The following FGF7 variants were observed in gnomAD, a reference collection of about 807,000 sequenced individuals.
FGF7 encodes the protein fibroblast growth factor 7.
In FGF7, 6 loss-of-function variants were observed where a neutral mutation model predicts 20.5. That is an observed-to-expected ratio of 0.29 (90% CI 0.16 to 0.58). The LOEUF (loss-of-function observed/expected upper bound fraction) is 0.58, where lower values mean the gene tolerates loss of function less well. Ranked by LOEUF, FGF7 falls within the 20% of genes least tolerant of loss-of-function variation. The pLI, the probability that FGF7 is intolerant of heterozygous loss-of-function variation, is 0.90. For missense variants in FGF7, 144 were observed against 228.8 expected (o/e 0.63, Z 2.39); for synonymous variants, 64 against 74.7 (o/e 0.86, Z 0.74).
chr15:49,482,798 C>A (rs1267021888), intron 2 of FGF7, among the ~76,000 whole-genome samples: 1 of 151,832 alleles, frequency 6.6e-6, no homozygotes, highest in Admixed American at 6.6e-5. Flanking sequence ...AAGAGCAATG[C>A]AATAATCCTT....
intron 2 of FGF7, among the ~76,000 whole-genome samples, chr15:49,457,399 A>T: frequency 6.6e-6 from 1 of 152,052 alleles, no homozygotes; most frequent in Non-Finnish European, 1.5e-5. Flanking sequence ...AAAAGCATTC[A>T]AATTTCAAAG....
At chr15:49,457,538 C>T (rs11639111) in intron 2 of FGF7, among the ~76,000 whole-genome samples, 49,913 of 151,492 alleles carry the variant, frequency 0.33, 8,720 homozygotes, top group Non-Finnish European at 0.4. Flanking sequence ...TAAGTAACTA[C>T]ATTATCAAAT....
At chr15:49,453,106 G>A (rs1452293770) in intron 2 of FGF7, among the ~76,000 whole-genome samples, 1 of 151,888 alleles carries the variant, frequency 6.6e-6, no homozygotes, top group Non-Finnish European at 1.5e-5. Flanking sequence ...CTAAAATATT[G>A]CATTGAGGTC....
At chr15:49,477,251 C>G (rs2055427196) in intron 2 of FGF7, among the ~76,000 whole-genome samples, 1 of 152,152 alleles carries the variant, frequency 6.6e-6, no homozygotes, top group South Asian at 2.1e-4. Flanking sequence ...TGAGTTCTGA[C>G]AAATGTATAT....
chr15:49,433,244 A>C (rs1266763071), intron 2 of FGF7, among the ~76,000 whole-genome samples: 3 of 151,750 alleles, frequency 2.0e-5, no homozygotes, highest in African/African-American at 7.2e-5. Flanking sequence ...TGTGTACAGC[A>C]CATCTGCCTT....
intron 2 of FGF7, among the ~76,000 whole-genome samples, chr15:49,453,796 A>G (rs2151896901): frequency 6.6e-6 from 1 of 152,192 alleles, no homozygotes; most frequent in Non-Finnish European, 1.5e-5. Context: ...AGGAAATTCA[A>G]TTTCAGCACG....
intron 2 of FGF7, among the ~76,000 whole-genome samples, chr15:49,465,131 TTTTTA>T (rs1442324124): frequency 4.6e-5 from 7 of 152,060 alleles, no homozygotes; most frequent in East Asian, 3.9e-4. Context: ...CTTAATTTTA[TTTTTA>T]TTTTATTTTT....
rs2056329947 is a variant in FGF7 at position 49,485,482 on chromosome 15, A to C, written c.*978A>C. 2 of 152,414 alleles carry C rather than the reference A, an allele frequency of 1.3e-5. No individual in the cohort carries two copies. Among genetic ancestry groups the C allele is most frequent in the South Asian group, 4.1e-4 (2 of 4,820 alleles). The allele number at this position is 152,414 out of a possible 1,614,324, so 9.4% of individuals were successfully genotyped here. On this transcript the variant is annotated 3_prime_UTR_variant, in exon 4 of 4. Transcript: ENST00000267843. ...AAGTTTATGTTATTTATAAAAAAAA[A>C]ACCTTAATAAGCTGTATCTGTTTCA...
In FGF7 at chr15:49,461,564, C is replaced by T. The variant is rs564490892; in HGVS notation, c.287-21587C>T. ...CTTGTCTATCTCTTTGAAAGAGCCA[C>T]GTACTTCTGTTTAATTTAGGCATAT... On this transcript the variant is annotated intron_variant, in intron 2 of 3. Transcript: ENST00000267843. Among the ~76,000 whole-genome samples, 135 of 152,302 alleles carry T rather than the reference C, an allele frequency of 8.9e-4. 5 individuals carry two copies. The South Asian group carries it at 0.027, about 30-fold the overall frequency.
chr15:49,466,953 G>A (rs1470161059), intron 2 of FGF7, among the ~76,000 whole-genome samples: 1 of 152,106 alleles, frequency 6.6e-6, no homozygotes, highest in Non-Finnish European at 1.5e-5. Context: ...TGCTAAGAAA[G>A]CCAATGACCA....
At chr15:49,458,943 G>A (rs1357651869) in intron 2 of FGF7, among the ~76,000 whole-genome samples, 2 of 151,980 alleles carry the variant, frequency 1.3e-5, no homozygotes, top group Non-Finnish European at 2.9e-5. Context: ...AATGACCACT[G>A]CTTATAAAAA....
chr15:49,425,737 C>T (rs1451701937), intron 2 of FGF7, among the ~76,000 whole-genome samples: 1 of 151,648 alleles, frequency 6.6e-6, no homozygotes. Flanking sequence ...AATGAGAAGA[C>T]CTTCTTTTTA....
chr15:49,441,037 A>G (rs1045691667), intron 2 of FGF7, among the ~76,000 whole-genome samples: 5 of 151,830 alleles, frequency 3.3e-5, no homozygotes, highest in African/African-American at 1.2e-4. Context: ...CCACCAAAAC[A>G]TAACACTTAA....
chr15:49,453,415 T>C (rs935912870), intron 2 of FGF7, among the ~76,000 whole-genome samples: 2 of 152,276 alleles, frequency 1.3e-5, no homozygotes, highest in South Asian at 4.2e-4. Context: ...AGTATAAAAA[T>C]ATTAATGAGA....
In FGF7 at chr15:49,424,603, G is replaced by T. The variant is rs1204727154; in HGVS notation, c.286+20G>T. 4 of 1,525,368 alleles carry T rather than the reference G, an allele frequency of 2.6e-6. No individual in the cohort carries two copies. The highest frequency in any genetic ancestry group is 2.8e-5 in the African/African-American group (2 of 72,112). 94.5% of individuals were successfully genotyped at this position (1,525,368 alleles called of 1,614,324 possible). On this transcript the variant is annotated intron_variant, in intron 2 of 3. Transcript: ENST00000267843. Reference sequence around the variant, plus strand: ...ATTACAGTAAGTAATTTTAAGTACTGCTCATGAACCTTAGCAATCTGTTAA... The same window carrying T: ...ATTACAGTAAGTAATTTTAAGTACTTCTCATGAACCTTAGCAATCTGTTAA...
chr15:49,439,366 G>A (rs574855680), intron 2 of FGF7, among the ~76,000 whole-genome samples: 4 of 151,678 alleles, frequency 2.6e-5, no homozygotes, highest in Non-Finnish European at 4.4e-5. Flanking sequence ...GCAGTGTGAC[G>A]TACCATCATT....
intron 2 of FGF7, among the ~76,000 whole-genome samples, chr15:49,472,880 A>G (rs1213149480): frequency 6.6e-6 from 1 of 151,368 alleles, no homozygotes; most frequent in Non-Finnish European, 1.5e-5. Context: ...CTAATGACAA[A>G]TAAGAGAAAG....
intron 2 of FGF7, among the ~76,000 whole-genome samples, chr15:49,427,756 A>C (rs10519224): frequency 0.28 from 42,056 of 151,780 alleles, 7,137 homozygotes; most frequent in Non-Finnish European, 0.38. Context: ...GTAAATATGG[A>C]TTGGAGCTAG....
intron 2 of FGF7, 53 bp downstream of exon 2, chr15:49,424,636 A>G (rs777358667): frequency 2.0e-5 from 27 of 1,356,714 alleles, no homozygotes; most frequent in East Asian, 2.4e-5. Flanking sequence ...TAATGGATCA[A>G]TTTTCAGGTG....
Sources: allele counts gnomAD v4.1 joint callset (sites outside exome capture counted in the v4.1 genomes callset), GRCh38; gene constraint gnomAD v4.1.1; transcripts MANE v1.5; gene names NCBI Gene and HGNC (gene_info 2026-07-23, HGNC 2026-07-21).